The following DRG1 variants were observed in gnomAD, a reference collection of about 807,000 sequenced individuals.
DRG1 encodes the protein developmentally regulated GTP binding protein 1.
Under a neutral mutation model 38.8 loss-of-function variants are expected in DRG1, and 19 were observed. That is an observed-to-expected ratio of 0.49 (90% CI 0.34 to 0.72). The LOEUF is 0.72. DRG1 is among the 30% of genes least tolerant of loss of function. The pLI is 0.01. For synonymous variants in DRG1, 167 were observed against 157.5 expected, an observed-to-expected ratio of 1.06 and a Z score of -0.45; for missense variants, 299 against 444.8, an observed-to-expected ratio of 0.67 and a Z score of 2.95.
At chr22:31,417,339 C>T (rs903733260) in intron 4 of DRG1, among the ~76,000 whole-genome samples, 7 of 151,482 alleles carry the variant, frequency 4.6e-5, no homozygotes, top group African/African-American at 1.7e-4. Context: ...CCACTGCACT[C>T]CAGCCTGGCG....
chr22:31,410,979 T>A lies in DRG1; in HGVS notation c.343-33T>A, dbSNP rs149631542. 373 of 1,609,184 alleles carry A rather than the reference T, an allele frequency of 2.3e-4. No individual in the cohort carries two copies. In the Middle Eastern group the frequency reaches 6.0e-3, roughly 26 times the overall value. On this transcript the variant is annotated intron_variant, in intron 3 of 8. Coordinates refer to ENST00000331457, the MANE Select transcript of DRG1 (RefSeq NM_004147.4). ...TTTCAAATTTATAACCAGTTTTTTC[T>A]TTCATCCTCTTCCCCCATTCTTAAT... is the stretch of plus-strand genomic sequence containing the variant.
intron 3 of DRG1, among the ~76,000 whole-genome samples, chr22:31,410,617 A>G (rs950136242): frequency 1.3e-5 from 2 of 152,160 alleles, no homozygotes; most frequent in Non-Finnish European, 2.9e-5. Flanking sequence ...GTTTGAGACC[A>G]GCCTGGCCAA....
chr22:31,409,814 C>T (rs577350977), intron 3 of DRG1, among the ~76,000 whole-genome samples: 12 of 151,638 alleles, frequency 7.9e-5, no homozygotes, highest in African/African-American at 1.5e-4. Context: ...GGCAACACGT[C>T]GAAACCCTGA....
intron 8 of DRG1, among the ~76,000 whole-genome samples, chr22:31,430,461 G>A (rs941201057): frequency 2.0e-5 from 3 of 149,974 alleles, no homozygotes; most frequent in South Asian, 2.1e-4. Flanking sequence ...GTGCAGTGGC[G>A]CCATCTCCGC....
At chr22:31,409,463 T>C (rs2145861156) in intron 3 of DRG1, among the ~76,000 whole-genome samples, 1 of 152,256 alleles carries the variant, frequency 6.6e-6, no homozygotes, top group East Asian at 1.9e-4. Context: ...TCCCTATCTG[T>C]TGGCCCTTCA....
Position 31,434,091 on chromosome 22 carries a change from G to GA in DRG1, c.*120_*121insA. 1 of 844,238 alleles carries GA rather than the reference G, an allele frequency of 1.2e-6. No homozygotes were observed. The highest frequency in any genetic ancestry group is 1.9e-6 in the Non-Finnish European group (1 of 534,288). 52.3% of individuals were successfully genotyped at this position (844,238 alleles called of 1,614,324 possible). ...GGATCAGGATCCAGGGGAGGGAGATGGAGGCACCCAAACTGGAACTTCATT... is the reference window on the plus strand; with the variant it reads ...GGATCAGGATCCAGGGGAGGGAGATGAGAGGCACCCAAACTGGAACTTCATT... On this transcript the variant is annotated 3_prime_UTR_variant, in exon 9 of 9. Transcript: ENST00000331457.
intron 8 of DRG1, among the ~76,000 whole-genome samples, chr22:31,432,098 G>A (rs2050142454): frequency 6.6e-6 from 1 of 150,424 alleles, no homozygotes; most frequent in Admixed American, 6.6e-5. Context: ...TTTTGAGATA[G>A]GGTCTTGTTC....
intron 3 of DRG1, among the ~76,000 whole-genome samples, chr22:31,408,296 C>G (rs1290809480): frequency 6.8e-6 from 1 of 146,222 alleles, no homozygotes; most frequent in Non-Finnish European, 1.5e-5. Context: ...CCCGCCACTA[C>G]GCCCCACTAA....
Position 31,400,659 on chromosome 22 carries a change from T to G in DRG1, c.82T>G (p.Leu28Val), listed in dbSNP as rs2049955987. 1 of 1,613,304 alleles carries G rather than the reference T, an allele frequency of 6.2e-7. No homozygotes were observed. The highest frequency in any genetic ancestry group is 1.7e-5 in the Admixed American group (1 of 59,938). The change falls in exon 2 of 9, where the codon TTA (leucine) becomes GTA (valine). Residue 28 changes from leucine to valine, a missense_variant. Leu to Val is a conservative substitution (Grantham distance 32, BLOSUM62 1). Around this residue, in one of 3 missense-constraint regions of DRG1, gnomAD observed 51 missense variants for 56.1 expected, o/e 0.91. Coordinates refer to ENST00000331457, the MANE Select transcript of DRG1 (RefSeq NM_004147.4). ...AAAGAACAAGGCCACAGCACACCAC[T>G]TAGGGCTGCTTAAGGCTCGTCTTGC... is the stretch of plus-strand genomic sequence containing the variant. ...TQKNKATAHH[L>V]GLLKARLAKL... is the part of the protein sequence containing the mutation.
Position 31,426,599 on chromosome 22 carries a change from TC to T in DRG1, c.714-15del. On this transcript the variant is annotated splice_polypyrimidine_tract_variant and intron_variant, in intron 6 of 8. Coordinates refer to ENST00000331457, the MANE Select transcript of DRG1 (RefSeq NM_004147.4). ...CAACTCCAGACTAATACCCTGTTTT[TC>T]TTCACTTTCTGTAGAGTTTATATCC... is the stretch of plus-strand genomic sequence containing the variant. 1 of 1,601,202 alleles carries T rather than the reference TC, an allele frequency of 6.2e-7. No individual in the cohort carries two copies. Among genetic ancestry groups the T allele is most frequent in the Non-Finnish European group, 8.5e-7 (1 of 1,173,510 alleles).
chr22:31,404,985 T>G (rs2049981543), intron 3 of DRG1, among the ~76,000 whole-genome samples: 1 of 152,140 alleles, frequency 6.6e-6, no homozygotes, highest in African/African-American at 2.4e-5. Context: ...AATTCGGATA[T>G]ATAAAGCATT....
rs1205567634 is a variant in DRG1 at position 31,409,119 on chromosome 22, G to GAGTCTT, written c.343-1891_343-1886dup. 2.0e-5 allele frequency among the ~76,000 whole-genome samples: 3 copies of GAGTCTT among 151,886 alleles called. No individual in the cohort carries two copies. The East Asian group carries it at 5.8e-4, about 29-fold the overall frequency. ...TTTATTTTTATTATTTTTTGAGATG[G>GAGTCTT]AGTCTTACTCTGTCGCCCAGGCTGG... On this transcript the variant is annotated intron_variant, in intron 3 of 8. Coordinates refer to ENST00000331457, the MANE Select transcript of DRG1 (RefSeq NM_004147.4).
chr22:31,402,108 A>T (rs2049964999), intron 2 of DRG1, among the ~76,000 whole-genome samples: 1 of 152,162 alleles, frequency 6.6e-6, no homozygotes, highest in Non-Finnish European at 1.5e-5. Flanking sequence ...ACAGAAATGT[A>T]AACCTATATC....
intron 3 of DRG1, among the ~76,000 whole-genome samples, chr22:31,406,078 C>T (rs1341329453): frequency 2.0e-5 from 3 of 149,850 alleles, no homozygotes; most frequent in Non-Finnish European, 4.4e-5. Flanking sequence ...AATCTCGGCT[C>T]ACTCCAACCT....
chr22:31,400,497 T>C (rs1377430821), intron 1 of DRG1, 123 bp from the exon 2 acceptor site: 3 of 1,268,994 alleles, frequency 2.4e-6, no homozygotes, highest in Non-Finnish European at 2.2e-6. Flanking sequence ...GGACTTTTAC[T>C]CTTTTAAAGC....
At chr22:31,403,977 CTTTTT>C (rs11295429) in intron 3 of DRG1, among the ~76,000 whole-genome samples, 3 of 81,800 alleles carry the variant, frequency 3.7e-5, no homozygotes, top group Non-Finnish European at 6.8e-5. Flanking sequence ...AAGAGAATAA[CTTTTT>C]TTTTTTTTTT....
At chr22:31,425,194 A>G (rs1216420075) in intron 6 of DRG1, among the ~76,000 whole-genome samples, 1 of 151,946 alleles carries the variant, frequency 6.6e-6, no homozygotes, top group Non-Finnish European at 1.5e-5. Context: ...TCCCCATTTC[A>G]GTTTTTTTCT....
chr22:31,413,441 G>A (rs367908130), intron 4 of DRG1, among the ~76,000 whole-genome samples: 1 of 151,720 alleles, frequency 6.6e-6, no homozygotes, highest in East Asian at 1.9e-4. Context: ...TTTTCTTTAT[G>A]TGATTTTCTC....
chr22:31,408,518 C>G (rs944285709), intron 3 of DRG1, among the ~76,000 whole-genome samples: 1 of 151,538 alleles, frequency 6.6e-6, no homozygotes, highest in South Asian at 2.1e-4. Context: ...GAGACTGACG[C>G]GAGCAGATCA....
Sources: gnomAD v4.1 joint callset for allele counts (sites outside exome capture counted in the v4.1 genomes callset) on GRCh38, gnomAD v4.1.1 for gene constraint, gnomAD v4.1.1 regional missense constraint, MANE v1.5 for transcripts, NCBI Gene and HGNC (gene_info 2026-07-23, HGNC 2026-07-21) for gene names.